Variants in TMEM132B observed in about 807,000 individuals in gnomAD.
TMEM132B encodes transmembrane protein 132B.
A neutral mutation model predicts 90.8 loss-of-function variants in TMEM132B; 18 were observed. That is an observed-to-expected ratio of 0.20 (90% CI 0.14 to 0.29). The LOEUF (loss-of-function observed/expected upper bound fraction) is 0.29, where lower values mean the gene tolerates loss of function less well. Ranked by LOEUF, TMEM132B falls within the 10% of genes least tolerant of loss-of-function variation. The probability of loss-of-function intolerance (pLI) is 1.00; values close to 1 mark genes in which losing one functional copy is unlikely to be tolerated. For missense variants in TMEM132B, 1,096 were observed against 1,326.8 expected (o/e 0.83, Z 2.70); for synonymous variants, 504 against 523.3 (o/e 0.96, Z 0.50).
chr12:125,199,860 C>A (rs932119161), intron 1 of TMEM132B, among the ~76,000 whole-genome samples: 1 of 152,148 alleles, frequency 6.6e-6, no homozygotes, highest in Non-Finnish European at 1.5e-5. Context: ...AAGGAAGAGT[C>A]CTAGAAGCAG....
rs1300639245 is a variant in TMEM132B, at chr12:125,445,486, T to G, written c.1106+29809T>G. Reference sequence around the variant, plus strand: ...TGCAGTGAGTACGGTATTTAAGCTTTGTCAGCAGAGGACACTGGAGGAACA... The same window carrying G: ...TGCAGTGAGTACGGTATTTAAGCTTGGTCAGCAGAGGACACTGGAGGAACA... On this transcript the variant is annotated intron_variant, in intron 3 of 8. Transcript: ENST00000682704. The surrounding 1 kb of genome is among the most constrained non-coding windows in gnomAD (Gnocchi z 4.3). Among the ~76,000 whole-genome samples, 1 of 152,242 alleles carries G rather than the reference T, an allele frequency of 6.6e-6. No homozygotes were observed. Among genetic ancestry groups the G allele is most frequent in the Non-Finnish European group, 1.5e-5 (1 of 68,040 alleles).
At chr12:125,463,601 G>GA (rs1881493368) in intron 3 of TMEM132B, among the ~76,000 whole-genome samples, 2 of 152,192 alleles carry the variant, frequency 1.3e-5, no homozygotes, top group African/African-American at 4.8e-5. Context: ...ACCCACTGCA[G>GA]AGTCCTTGGA....
chr12:125,357,687 G>C (rs1283825952), intron 2 of TMEM132B, among the ~76,000 whole-genome samples: 1 of 152,204 alleles, frequency 6.6e-6, no homozygotes, highest in Non-Finnish European at 1.5e-5. Context: ...ATGTGCTATG[G>C]AGAGGCCAGG....
chr12:125,442,742 C>T (rs1880909754), intron 3 of TMEM132B, among the ~76,000 whole-genome samples: 1 of 152,142 alleles, frequency 6.6e-6, no homozygotes, highest in African/African-American at 2.4e-5. Flanking sequence ...TTCTGTGGCA[C>T]CTTTTGATCT....
At chr12:125,412,720 C>T (rs749808945) in intron 2 of TMEM132B, among the ~76,000 whole-genome samples, 27 of 152,066 alleles carry the variant, frequency 1.8e-4, no homozygotes, top group African/African-American at 9.7e-5. Context: ...GTGTGGACAG[C>T]GGAAGGGACC....
At chr12:125,471,090 T>C (rs1267929215) in intron 3 of TMEM132B, among the ~76,000 whole-genome samples, 1 of 152,250 alleles carries the variant, frequency 6.6e-6, no homozygotes, top group African/African-American at 2.4e-5. Flanking sequence ...GTCCCCTGCT[T>C]GCAGCAAGGA....
In TMEM132B at chr12:125,220,505, C is replaced by G. The variant is rs980997738; in HGVS notation, c.67+33639C>G. Among the ~76,000 whole-genome samples the G allele has an allele frequency of 2.0e-5, 3 of 152,376 alleles. No individual in the cohort carries two copies. In the East Asian group the frequency reaches 5.8e-4, roughly 29 times the overall value. The stretch of plus-strand genomic sequence containing the variant: ...CTTGTGTATTCTGTATTGATTTGAT[C>G]TGGGCATCCTGCCAGCCTTGGAGAA... On this transcript the variant is annotated intron_variant, in intron 1 of 8. Coordinates refer to ENST00000682704, the MANE Select transcript of TMEM132B (RefSeq NM_001366854.1).
At chr12:125,293,998 G>A (rs1422007210) in intron 1 of TMEM132B, among the ~76,000 whole-genome samples, 4 of 152,192 alleles carry the variant, frequency 2.6e-5, no homozygotes, top group Non-Finnish European at 2.9e-5. Context: ...AAGCCACCCC[G>A]TTTGACAGCT....
At chr12:125,375,698 G>GC (rs1362077863) in intron 2 of TMEM132B, among the ~76,000 whole-genome samples, 2 of 152,226 alleles carry the variant, frequency 1.3e-5, no homozygotes, top group East Asian at 3.8e-4. Context: ...ACTTACCACG[G>GC]CTGCGTGTTT....
intron 5 of TMEM132B, chr12:125,622,360 A>G: frequency 6.1e-6 from 3 of 489,322 alleles, no homozygotes; most frequent in Non-Finnish European, 8.0e-6. Context: ...AATGTAAATC[A>G]AAGGTTCCCA....
At position 125,407,875 on chromosome 12, in the gene TMEM132B, T is replaced by A. The variant is rs1265185089; in HGVS notation, c.960-7656T>A. Among the ~76,000 whole-genome samples, 2 of 152,214 alleles carry A rather than the reference T, an allele frequency of 1.3e-5. No individual in the cohort carries two copies. The highest frequency in any genetic ancestry group is 2.9e-5 in the Non-Finnish European group (2 of 68,038). ...TACGTCCCTGTTACAATGCACTTGC[T>A]CTGTTTTGAACTTCATATTGAACTG... On this transcript the variant is annotated intron_variant, in intron 2 of 8. Coordinates refer to ENST00000682704, the MANE Select transcript of TMEM132B (RefSeq NM_001366854.1). The surrounding 1 kb of genome is among the most constrained non-coding windows in gnomAD (Gnocchi z 6.7).
intron 5 of TMEM132B, among the ~76,000 whole-genome samples, chr12:125,616,871 G>A (rs1886000842): frequency 6.6e-6 from 1 of 152,136 alleles, no homozygotes; most frequent in South Asian, 2.1e-4. Flanking sequence ...AGAAGAGAAA[G>A]ACAGAGACAT....
At chr12:125,563,139 C>T (rs1285211392) in intron 4 of TMEM132B, among the ~76,000 whole-genome samples, 1 of 116,646 alleles carries the variant, frequency 8.6e-6, no homozygotes, top group Non-Finnish European at 1.7e-5. Flanking sequence ...CACAGGTCAC[C>T]ATAATGCGTA....
chr12:125,272,893 A>G (rs1874876988), intron 1 of TMEM132B, among the ~76,000 whole-genome samples: 1 of 152,162 alleles, frequency 6.6e-6, no homozygotes, highest in Non-Finnish European at 1.5e-5. Context: ...TTTGAATGTC[A>G]TTCTTCGCTC....
chr12:125,265,397 A>G (rs1456517182), intron 1 of TMEM132B, among the ~76,000 whole-genome samples: 1 of 152,118 alleles, frequency 6.6e-6, no homozygotes, highest in Non-Finnish European at 1.5e-5. Flanking sequence ...AAATACCACA[A>G]TTATAACAAT....
At chr12:125,388,766 C>T (rs1392341428) in intron 2 of TMEM132B, among the ~76,000 whole-genome samples, 2 of 152,230 alleles carry the variant, frequency 1.3e-5, no homozygotes, top group Non-Finnish European at 2.9e-5. Context: ...GCCATCCCTG[C>T]TCGTCTTCTG....
chr12:125,578,173 G>A, intron 4 of TMEM132B, among the ~76,000 whole-genome samples: 1 of 152,030 alleles, frequency 6.6e-6, no homozygotes, highest in East Asian at 1.9e-4. Flanking sequence ...ATGACTAGTT[G>A]TTCTGTTAAT....
intron 2 of TMEM132B, among the ~76,000 whole-genome samples, chr12:125,354,682 AG>A (rs1814886772): frequency 6.6e-6 from 1 of 152,250 alleles, no homozygotes; most frequent in Non-Finnish European, 1.5e-5. Context: ...GGTGCATCAC[AG>A]GGAGTGAAAC....
intron 5 of TMEM132B, among the ~76,000 whole-genome samples, chr12:125,607,014 G>T (rs548099108): frequency 6.6e-6 from 1 of 152,140 alleles, no homozygotes; most frequent in East Asian, 1.9e-4. Flanking sequence ...CTATTGCTAG[G>T]AGTAGTCTTG....
Sources: allele counts gnomAD v4.1 joint callset (sites outside exome capture counted in the v4.1 genomes callset), GRCh38; gene constraint gnomAD v4.1.1; non-coding constraint Gnocchi (gnomAD v3.1); transcripts MANE v1.5; gene names NCBI Gene and HGNC (gene_info 2026-07-23, HGNC 2026-07-21).